Variants in ATP13A1 observed in about 807,000 individuals in gnomAD.
The protein encoded by ATP13A1 is endoplasmic reticulum transmembrane helix translocase.
In ATP13A1, 55 loss-of-function variants were observed where a neutral mutation model predicts 134.8. That is an observed-to-expected ratio of 0.41 (90% CI 0.33 to 0.51). The LOEUF is 0.51. Ranked by LOEUF, ATP13A1 falls within the 20% of genes least tolerant of loss-of-function variation. ATP13A1 has a pLI of 0.29. For synonymous variants in ATP13A1, 775 were observed against 725.1 expected (o/e 1.07, Z -1.10); for missense variants, 1,389 against 1,652.8 (o/e 0.84, Z 2.77).
At chr19:19,648,927 T>C (rs1440715040) in intron 19 of ATP13A1, among the ~76,000 whole-genome samples, 2 of 140,754 alleles carry the variant, frequency 1.4e-5, no homozygotes, top group African/African-American at 5.4e-5. Flanking sequence ...TTGGAGACCA[T>C]CCTGGCCAAC....
rs1040404575 is a variant in ATP13A1 at position 19,663,644 on chromosome 19, C to A, written c.23G>T (p.Gly8Val). The A allele has an allele frequency of 1.5e-6, 2 of 1,298,522 alleles. No individual in the cohort carries two copies. Among genetic ancestry groups the A allele is most frequent in the Non-Finnish European group, 2.0e-6 (2 of 1,025,140 alleles). The allele number at this position is 1,298,522 out of a possible 1,614,324, so 80.4% of individuals were successfully genotyped here. A position where few individuals can be genotyped will look rare whatever the true frequency, so the allele number is the denominator to read the frequency against. MAAAAAVGNAVPCGARPC... is the reference protein window; with the variant it reads MAAAAAVVNAVPCGARPC... ...CCGGGCCCCGCAGGGCACCGCGTTG[C>A]CCACCGCCGCCGCTGCCGCCATCTT... Residue 8 changes from glycine (G) to valine (V), a missense_variant, in exon 1 of 26, where the codon GGC becomes GTC. Transcript: ENST00000357324.
At position 19,656,741 on chromosome 19, in the gene ATP13A1, C is replaced by A; in HGVS notation, c.1002G>T (p.Val334=). 6.2e-7 allele frequency: 1 copy of A among 1,613,776 alleles called. No homozygotes were observed. Among genetic ancestry groups the A allele is most frequent in the Non-Finnish European group, 8.5e-7 (1 of 1,179,870 alleles). The change falls in exon 7 of 26, where the codon GTG becomes GTT. Residue 334 remains valine, a synonymous_variant. Coordinates refer to ENST00000357324, the MANE Select transcript of ATP13A1 (RefSeq NM_020410.3). This position sits in a 1 kb window ranked among gnomAD's most constrained non-coding sequence, Gnocchi z 4.6. ...SIGRSPQENL[V]PCDVLLLRGR... ...CTCGCAGCAGAAGCACGTCACATGG[C>A]ACCAGGTTCTCCTGTGGGGAGCGGC...
At chr19:19,661,410 G>A (rs2062093769) in intron 1 of ATP13A1, among the ~76,000 whole-genome samples, 3 of 152,318 alleles carry the variant, frequency 2.0e-5, no homozygotes, top group South Asian at 4.1e-4. Context: ...GGCATGTGCT[G>A]TTTTCTCTGC....
Position 19,656,103 on chromosome 19 carries a change from G to A in ATP13A1, c.1164C>T (p.Thr388=). 1 of 1,613,730 alleles carries A rather than the reference G, an allele frequency of 6.2e-7. No homozygotes were observed. Among genetic ancestry groups the A allele is most frequent in the East Asian group, 2.2e-5 (1 of 44,868 alleles). ...DSRLHVIFGG[T]KVVQHIPPQK... is the part of the protein sequence containing the mutation. ...GTGGGGGGATGTGCTGCACCACCTT[G>A]GTGCCCCCGAAGATGACGTGCAGCC... Residue 388 remains threonine, a synonymous_variant, in exon 8 of 26, where the codon ACC becomes ACT. Coordinates refer to ENST00000357324, the MANE Select transcript of ATP13A1 (RefSeq NM_020410.3). The surrounding 1 kb of genome is among the most constrained non-coding windows in gnomAD (Gnocchi z 4.6).
Position 19,655,685 on chromosome 19 carries a change from G to C in ATP13A1, c.1270-31C>G. The C allele has an allele frequency of 6.2e-7, 1 of 1,603,658 alleles. No homozygotes were observed. The highest frequency in any genetic ancestry group is 8.5e-7 in the Non-Finnish European group (1 of 1,175,284). ...GGAATGGAGGAACAGCCTTTCTGCT[G>C]TCTGGACTCCCTCCAGCAGCTCAGG... On this transcript the variant is annotated intron_variant, in intron 9 of 25. Coordinates refer to ENST00000357324, the MANE Select transcript of ATP13A1 (RefSeq NM_020410.3). This position sits in a 1 kb window ranked among gnomAD's most constrained non-coding sequence, Gnocchi z 5.7.
chr19:19,645,644 G>A lies in ATP13A1; in HGVS notation c.3504+3C>T. 6.4e-7 allele frequency: 1 copy of A among 1,567,312 alleles called. No individual in the cohort carries two copies. The highest frequency in any genetic ancestry group is 8.6e-7 in the Non-Finnish European group (1 of 1,156,214). ...CCAGGGTCACCTCCACAGGGCCACT[G>A]ACCTCCACAGGGATGTCCACGAGGC... On this transcript the variant is annotated splice_donor_region_variant and intron_variant, in intron 25 of 25. Transcript: ENST00000357324. The surrounding 1 kb of genome is among the most constrained non-coding windows in gnomAD (Gnocchi z 4.1).
intron 3 of ATP13A1, among the ~76,000 whole-genome samples, chr19:19,658,770 T>C (rs141734059): frequency 1.3e-5 from 2 of 152,276 alleles, no homozygotes; most frequent in Non-Finnish European, 2.9e-5. Flanking sequence ...CCATCACCAT[T>C]CTGAAGCGCT....
rs139865188 is a variant in ATP13A1 at position 19,649,598 on chromosome 19, G to A, written c.2601C>T (p.Asn867=). Residue 867 remains asparagine, a synonymous_variant, in exon 19 of 26, where the codon AAC becomes AAT. Transcript: ENST00000357324. ...YVTLMCGDGT[N]DVGALKHADV... is the part of the protein sequence containing the mutation. ...CAGCATGCTTCAGGGCGCCCACGTC[G>A]TTGGTGCCATCCCCACACATGAGGG... 2,867 of 1,613,856 alleles carry A rather than the reference G, an allele frequency of 1.8e-3. 29 individuals are homozygous for A. The highest frequency in any genetic ancestry group is 9.1e-4 in the Non-Finnish European group (1,077 of 1,179,824).
In ATP13A1 at chr19:19,656,690, C is replaced by T; in HGVS notation, c.1053G>A (p.Met351Ile). ...LRGRCIVDEA[M>I]LTGESVPQMK... The stretch of plus-strand genomic sequence containing the variant: ...TCTGTGGCACGGACTCCCCCGTGAG[C>T]ATGGCCTCGTCTACGATGCAGCGGC... The change falls in exon 7 of 26, where the codon ATG (methionine) becomes ATA (isoleucine). Residue 351 changes from methionine to isoleucine, a missense_variant. Physicochemically the swap from Met to Ile is conservative, Grantham distance 10. Coordinates refer to ENST00000357324, the MANE Select transcript of ATP13A1 (RefSeq NM_020410.3). This position sits in a 1 kb window ranked among gnomAD's most constrained non-coding sequence, Gnocchi z 4.6. The T allele has an allele frequency of 1.2e-6, 2 of 1,613,846 alleles. No homozygotes were observed. The highest frequency in any genetic ancestry group is 1.7e-6 in the Non-Finnish European group (2 of 1,179,866).
chr19:19,659,809 T>C lies in ATP13A1; in HGVS notation c.487-18A>G. 1 of 1,611,326 alleles carries C rather than the reference T, an allele frequency of 6.2e-7. No homozygotes were observed. Among genetic ancestry groups the C allele is most frequent in the Non-Finnish European group, 8.5e-7 (1 of 1,178,204 alleles). On this transcript the variant is annotated intron_variant, in intron 2 of 25. Transcript: ENST00000357324. ...TCTTCGCCCTGCGGTAGAAGGTGTG[T>C]TTGCCACAGAGGCCCCTGACCTTGG...
chr19:19,663,323 A>C lies in ATP13A1; in HGVS notation c.344T>G (p.Val115Gly). The change falls in exon 1 of 26, where the codon GTC (valine) becomes GGC (glycine). Residue 115 changes from valine to glycine, a missense_variant. Coordinates refer to ENST00000357324, the MANE Select transcript of ATP13A1 (RefSeq NM_020410.3). ...ATICLAHALTVLSGHWSVHAH... is the reference protein window; with the variant it reads ...ATICLAHALTGLSGHWSVHAH... ...GTGCACAGACCAATGCCCCGAGAGGACAGTGAGCGCGTGCGCGAGGCAGAT... is the reference window on the plus strand; with the variant it reads ...GTGCACAGACCAATGCCCCGAGAGGCCAGTGAGCGCGTGCGCGAGGCAGAT... The C allele has an allele frequency of 6.3e-7, 1 of 1,592,138 alleles. No homozygotes were observed. The highest frequency in any genetic ancestry group is 8.5e-7 in the Non-Finnish European group (1 of 1,170,514).
rs917719129 is a variant in ATP13A1, at chr19:19,647,804, G to C, written c.2633-45C>G. The C allele has an allele frequency of 6.5e-7, 1 of 1,537,696 alleles. No homozygotes were observed. Among genetic ancestry groups the C allele is most frequent in the Admixed American group, 1.9e-5 (1 of 51,770 alleles). Reference sequence around the variant, plus strand: ...CAGACCCGGAGGAGCAGGCTCCACGGAGGGGAAGATTGCTGGCTTCAGAGC... The same window carrying C: ...CAGACCCGGAGGAGCAGGCTCCACGCAGGGGAAGATTGCTGGCTTCAGAGC... On this transcript the variant is annotated intron_variant, in intron 19 of 25. Coordinates refer to ENST00000357324, the MANE Select transcript of ATP13A1 (RefSeq NM_020410.3). This position sits in a 1 kb window ranked among gnomAD's most constrained non-coding sequence, Gnocchi z 4.8.
At chr19:19,652,244 A>T (rs2062029029) in intron 16 of ATP13A1, among the ~76,000 whole-genome samples, 1 of 151,982 alleles carries the variant, frequency 6.6e-6, no homozygotes, top group Non-Finnish European at 1.5e-5. Flanking sequence ...TAGAAAACAC[A>T]AGCCACCAGA....
At position 19,649,602 on chromosome 19, in the gene ATP13A1, G is replaced by C. The variant is rs1460373998; in HGVS notation, c.2597C>G (p.Thr866Ser). 4 of 1,613,886 alleles carry C rather than the reference G, an allele frequency of 2.5e-6. No homozygotes were observed. The Admixed American group carries it at 6.7e-5, about 27-fold the overall frequency. Residue 866 changes from threonine (T) to serine (S), a missense_variant, in exon 19 of 26, where the codon ACC (threonine) becomes AGC (serine). Coordinates refer to ENST00000357324, the MANE Select transcript of ATP13A1 (RefSeq NM_020410.3). The stretch of plus-strand genomic sequence containing the variant: ...ATGCTTCAGGGCGCCCACGTCGTTG[G>C]TGCCATCCCCACACATGAGGGTCAC... ...GYVTLMCGDG[T>S]NDVGALKHAD...
chr19:19,658,608 C>A (rs747329623), intron 3 of ATP13A1, among the ~76,000 whole-genome samples: 1 of 152,176 alleles, frequency 6.6e-6, no homozygotes, highest in Non-Finnish European at 1.5e-5. Flanking sequence ...TGAGGACCAT[C>A]GTAACAAGGC....
chr19:19,646,091 T>G (rs1599425487), intron 23 of ATP13A1, 106 bp from the exon 24 acceptor site: 1 of 1,589,110 alleles, frequency 6.3e-7, no homozygotes, highest in South Asian at 1.1e-5. Flanking sequence ...CCTGGCCTAG[T>G]GCCCCTCCCT....
In ATP13A1 at chr19:19,645,391, A is replaced by C; in HGVS notation, c.*31T>G. The C allele has an allele frequency of 6.4e-7, 1 of 1,567,222 alleles. No individual in the cohort carries two copies. The highest frequency in any genetic ancestry group is 8.6e-7 in the Non-Finnish European group (1 of 1,156,936). Reference sequence around the variant, plus strand: ...TTGGGGTTCCCGCCCAGCGGCAGCCAGGGTGGGCAGTGGGTACCAGCACTG... The same window carrying C: ...TTGGGGTTCCCGCCCAGCGGCAGCCCGGGTGGGCAGTGGGTACCAGCACTG... On this transcript the variant is annotated 3_prime_UTR_variant, in exon 26 of 26. Transcript: ENST00000357324. The surrounding 1 kb of genome is among the most constrained non-coding windows in gnomAD (Gnocchi z 4.1).
chr19:19,652,927 C>G, intron 15 of ATP13A1: 1 of 653,570 alleles, frequency 1.5e-6, no homozygotes, highest in South Asian at 2.0e-5. Context: ...ACTGGGGGGT[C>G]TGGGTCCCCC....
rs2144893006 is a variant in ATP13A1, at chr19:19,645,364, T to C, written c.*58A>G. On this transcript the variant is annotated 3_prime_UTR_variant, in exon 26 of 26. Transcript: ENST00000357324. The surrounding 1 kb of genome is among the most constrained non-coding windows in gnomAD (Gnocchi z 4.1). ...GGGGCAGGGTTCCCTCCCGGGGCCC[T>C]GTTGGGGTTCCCGCCCAGCGGCAGC... 5 of 1,531,686 alleles carry C rather than the reference T, an allele frequency of 3.3e-6. No individual in the cohort carries two copies. The highest frequency in any genetic ancestry group is 4.4e-6 in the Non-Finnish European group (5 of 1,130,428). 94.9% of individuals were successfully genotyped at this position (1,531,686 alleles called of 1,614,324 possible).
Sources: allele counts gnomAD v4.1 joint callset (sites outside exome capture counted in the v4.1 genomes callset), GRCh38; gene constraint gnomAD v4.1.1; non-coding constraint Gnocchi (gnomAD v3.1); transcripts MANE v1.5; gene names NCBI Gene and HGNC (gene_info 2026-07-23, HGNC 2026-07-21).